Variants in PLA2G7 observed in about 807,000 individuals in gnomAD.
PLA2G7 encodes platelet-activating factor acetylhydrolase.
In PLA2G7, 63 loss-of-function variants were observed where a neutral mutation model predicts 49.6. That is an observed-to-expected ratio of 1.27 (90% CI 1.04 to 1.57). The LOEUF is 1.57. Among genes scored for constraint, PLA2G7 ranks in the 40% most tolerant of loss-of-function variants. PLA2G7 has a pLI of 0.00. For missense variants in PLA2G7, 596 were observed against 521.2 expected (o/e 1.14, Z -1.40); for synonymous variants, 193 against 169.9 (o/e 1.14, Z -1.06).
intron 7 of PLA2G7, 77 bp downstream of exon 7, chr6:46,711,419 A>G: frequency 6.5e-7 from 1 of 1,528,130 alleles, no homozygotes; most frequent in Non-Finnish European, 9.1e-7. Flanking sequence ...TGCCAGGTGT[A>G]AAATTAAATT....
intron 1 of PLA2G7, among the ~76,000 whole-genome samples, chr6:46,726,653 T>C (rs952459338): frequency 6.8e-6 from 1 of 147,486 alleles, no homozygotes; most frequent in Non-Finnish European, 1.5e-5. Context: ...AACACAAACT[T>C]TTTTTTTTTG....
Position 46,714,531 on chromosome 6 carries a change from G to A in PLA2G7, c.399C>T (p.Asn133=), listed in dbSNP as rs1351468481. 6.2e-7 allele frequency: 1 copy of A among 1,609,070 alleles called. No homozygotes were observed. Among genetic ancestry groups the A allele is most frequent in the Admixed American group, 1.7e-5 (1 of 59,990 alleles). ...CACCAGGCCTCAGAGGGGAATTCCA[G>A]TTTGCAGGAGTTGTCATTGAACCTA... ...LLFGSMTTPA[N]WNSPLRPGEK... is the part of the protein sequence containing the mutation. The change falls in exon 5 of 12, where the codon AAC becomes AAT. Residue 133 remains asparagine (N), a synonymous_variant. Coordinates refer to ENST00000274793, the MANE Select transcript of PLA2G7 (RefSeq NM_005084.4).
chr6:46,720,456 T>A (rs555217016), intron 2 of PLA2G7, among the ~76,000 whole-genome samples: 1 of 152,192 alleles, frequency 6.6e-6, no homozygotes, highest in Non-Finnish European at 1.5e-5. Context: ...TGAGAAGACC[T>A]CAGGAATCAT....
rs550391619 is a variant in PLA2G7, at chr6:46,721,863, G to A, written c.109+920C>T. On this transcript the variant is annotated intron_variant, in intron 2 of 11. Coordinates refer to ENST00000274793, the MANE Select transcript of PLA2G7 (RefSeq NM_005084.4). ...GAATTATGAAAGCTCTTTTGCAAAT[G>A]CTATCGTAAGGAGTCACCCATCAAG... 1.2e-4 allele frequency among the ~76,000 whole-genome samples: 19 copies of A among 152,118 alleles called. 1 individual carries two copies. In the South Asian group the frequency reaches 3.9e-3, roughly 32 times the overall value.
chr6:46,718,264 G>T (rs1429373306), intron 2 of PLA2G7, among the ~76,000 whole-genome samples: 1 of 152,198 alleles, frequency 6.6e-6, no homozygotes, highest in Non-Finnish European at 1.5e-5. Flanking sequence ...CTCCCTATCA[G>T]CAAGTGTTCT....
rs577657972 is a variant in PLA2G7 at position 46,727,238 on chromosome 6, G to A, written c.-34-4313C>T. On this transcript the variant is annotated intron_variant, in intron 1 of 11. Transcript: ENST00000274793. ...CCACAAATCCCGATTTCCCCTATTT[G>A]TCACTGTTAAATTCTCATCAGGCAT... 7.9e-5 allele frequency among the ~76,000 whole-genome samples: 12 copies of A among 152,160 alleles called. No homozygotes were observed. The South Asian group carries it at 2.5e-3, about 32-fold the overall frequency.
At chr6:46,721,654 G>T (rs1765406558) in intron 2 of PLA2G7, among the ~76,000 whole-genome samples, 1 of 150,010 alleles carries the variant, frequency 6.7e-6, no homozygotes, top group South Asian at 2.1e-4. Flanking sequence ...CCTTGAATTT[G>T]ACTACACATT....
At position 46,704,772 on chromosome 6, in the gene PLA2G7, T is replaced by A. The variant is rs141358655; in HGVS notation, c.1190-76A>T. 22 of 897,536 alleles carry A rather than the reference T, an allele frequency of 2.5e-5. No homozygotes were observed. The East Asian group carries it at 5.4e-4, about 22-fold the overall frequency. The allele number at this position is 897,536 out of a possible 1,614,324, so 55.6% of individuals were successfully genotyped here. A position where few individuals can be genotyped will look rare whatever the true frequency, so the allele number is the denominator to read the frequency against. On this transcript the variant is annotated intron_variant, in intron 11 of 11. Coordinates refer to ENST00000274793, the MANE Select transcript of PLA2G7 (RefSeq NM_005084.4). ...ACAGTTTGGTGCCCCTAGGTGGCAA[T>A]AAAGATTTACAAATTACACAAGTTC...
chr6:46,734,401 G>GT (rs1765830090), intron 1 of PLA2G7, among the ~76,000 whole-genome samples: 1 of 75,378 alleles, frequency 1.3e-5, no homozygotes, highest in African/African-American at 9.3e-5. Context: ...GGTGTGTAGT[G>GT]GTGTGTGTGT....
Position 46,714,515 on chromosome 6 carries a change from T to A in PLA2G7, c.415A>T (p.Arg139Trp). Residue 139 changes from arginine (R) to tryptophan (W), a missense_variant, in exon 5 of 12, where the codon AGG (arginine) becomes TGG (tryptophan). Physicochemically the swap from Arg to Trp is moderately radical, Grantham distance 101. Coordinates refer to ENST00000274793, the MANE Select transcript of PLA2G7 (RefSeq NM_005084.4). ...ACAAGTGGATATTTTTCACCAGGCC[T>A]CAGAGGGGAATTCCAGTTTGCAGGA... ...TTPANWNSPL[R>W]PGEKYPLVVF... 6.2e-7 allele frequency: 1 copy of A among 1,612,570 alleles called. No individual in the cohort carries two copies. Among genetic ancestry groups the A allele is most frequent in the Non-Finnish European group, 8.5e-7 (1 of 1,178,806 alleles).
At chr6:46,710,703 T>C (rs1365762948) in intron 7 of PLA2G7, 45 bp from the exon 8 acceptor site, 5 of 1,426,578 alleles carry the variant, frequency 3.5e-6, no homozygotes, top group Non-Finnish European at 5.0e-6. Context: ...TAAAAAGTTA[T>C]AACACTTATT....
At chr6:46,721,359 T>C (rs1329692974) in intron 2 of PLA2G7, among the ~76,000 whole-genome samples, 4 of 152,132 alleles carry the variant, frequency 2.6e-5, no homozygotes, top group African/African-American at 9.7e-5. Flanking sequence ...GCATTCATTT[T>C]TGAACATTTA....
At chr6:46,704,824 C>G in intron 11 of PLA2G7, 128 bp from the exon 12 acceptor site, 1 of 665,958 alleles carries the variant, frequency 1.5e-6, no homozygotes, top group Non-Finnish European at 2.6e-6. Context: ...ACGATGTGCT[C>G]TGTATCAGCT....
At chr6:46,716,872 C>A in intron 3 of PLA2G7, 103 bp downstream of exon 3, 1 of 1,180,018 alleles carries the variant, frequency 8.5e-7, no homozygotes, top group Non-Finnish European at 1.3e-6. Flanking sequence ...CAAAATGAGT[C>A]ATTCTCAGGT....
At chr6:46,709,203 G>T (rs866895541) in intron 9 of PLA2G7, 124 bp downstream of exon 9, 2 of 669,330 alleles carry the variant, frequency 3.0e-6, no homozygotes, top group South Asian at 1.7e-5. Context: ...GGGGGCAAAA[G>T]AATAGCCTTA....
At chr6:46,729,225 A>G (rs1765660272) in intron 1 of PLA2G7, among the ~76,000 whole-genome samples, 2 of 152,204 alleles carry the variant, frequency 1.3e-5, no homozygotes, top group Admixed American at 6.5e-5. Context: ...AGGAGGATGC[A>G]GTATTAAACT....
chr6:46,711,737 T>C, intron 6 of PLA2G7, 118 bp from the exon 7 acceptor site: 1 of 1,010,630 alleles, frequency 9.9e-7, no homozygotes, highest in African/African-American at 1.6e-5. Flanking sequence ...CCTTTCTTCT[T>C]CCACTCTATA....
chr6:46,730,014 A>G (rs1204705469), intron 1 of PLA2G7, among the ~76,000 whole-genome samples: 1 of 152,254 alleles, frequency 6.6e-6, no homozygotes, highest in African/African-American at 2.4e-5. Context: ...TGACAAAAGT[A>G]TGACATCATA....
rs148052037 is a variant in PLA2G7, at chr6:46,704,715, TAATC to T, written c.1190-23_1190-20del. ...TGAAGTCCTATAAAATATAAAGTGTTAATCAACATATTAAACTTTTGAGAGCATT... is the reference window on the plus strand; with the variant it reads ...TGAAGTCCTATAAAATATAAAGTGTTAACATATTAAACTTTTGAGAGCATT... On this transcript the variant is annotated intron_variant, in intron 11 of 11. Transcript: ENST00000274793. 528,400 of 1,467,096 alleles carry T rather than the reference TAATC, an allele frequency of 0.36. 102,008 individuals carry two copies. The highest frequency in any genetic ancestry group is 0.52 in the East Asian group (22,746 of 43,944). 90.9% of individuals were successfully genotyped at this position (1,467,096 alleles called of 1,614,324 possible).
Sources: gnomAD v4.1 joint callset for allele counts (sites outside exome capture counted in the v4.1 genomes callset) on GRCh38, gnomAD v4.1.1 for gene constraint, MANE v1.5 for transcripts, NCBI Gene and HGNC (gene_info 2026-07-23, HGNC 2026-07-21) for gene names.